ANKRD28: variants seen among roughly 807,000 people sequenced by gnomAD.
ANKRD28 encodes the protein ankyrin repeat domain 28.
A neutral mutation model predicts 126.5 loss-of-function variants in ANKRD28; 44 were observed. The ratio of observed to expected loss-of-function variants is 0.35; its 90% confidence interval spans 0.27 to 0.45. The LOEUF (loss-of-function observed/expected upper bound fraction) is 0.45. Ranked by LOEUF, ANKRD28 falls within the 20% of genes least tolerant of loss-of-function variation. The pLI is 1.00. For synonymous variants in ANKRD28, 442 were observed against 468.5 expected (o/e 0.94, Z 0.73); for missense variants, 1,110 against 1,316.6 (o/e 0.84, Z 2.43).
intron 1 of ANKRD28, among the ~76,000 whole-genome samples, chr3:15,818,331 T>C (rs1438338353): frequency 6.6e-6 from 1 of 152,138 alleles, no homozygotes; most frequent in East Asian, 1.9e-4. Context: ...AAGTGGAAAA[T>C]TCCACAAATA....
chr3:15,805,429 G>C (rs1259071158), intron 1 of ANKRD28, among the ~76,000 whole-genome samples: 6 of 152,040 alleles, frequency 3.9e-5, no homozygotes, highest in African/African-American at 1.2e-4. Context: ...AAATATCCTA[G>C]TCAATCTGAT....
At chr3:15,858,852 A>T (rs1052941478) in intron 1 of ANKRD28, among the ~76,000 whole-genome samples, 2 of 152,232 alleles carry the variant, frequency 1.3e-5, no homozygotes, top group African/African-American at 2.4e-5. Flanking sequence ...CAAGAAAAGT[A>T]ACAAGATGGT....
chr3:15,775,482 G>T (rs145249047), intron 2 of ANKRD28, among the ~76,000 whole-genome samples: 386 of 152,200 alleles, frequency 2.5e-3, no homozygotes, highest in African/African-American at 9.0e-3. Flanking sequence ...TGAGTGCTCA[G>T]TCCCAAAAGA....
rs78802747 is a variant in ANKRD28, at chr3:15,778,865, G to C, written c.202-12553C>G. 4.0e-3 allele frequency among the ~76,000 whole-genome samples: 607 copies of C among 152,226 alleles called. 3 individuals carry two copies. The highest frequency in any genetic ancestry group is 0.018 in the East Asian group (94 of 5,180). On this transcript the variant is annotated intron_variant, in intron 2 of 27. Transcript: ENST00000683139. The stretch of plus-strand genomic sequence containing the variant: ...CTAGGTGGAGGTAAATGAATCATGG[G>C]GGGCAGTTCCCCCATGCTATTCTCA...
chr3:15,782,188 A>G (rs1254161515), intron 2 of ANKRD28, among the ~76,000 whole-genome samples: 1 of 152,140 alleles, frequency 6.6e-6, no homozygotes, highest in African/African-American at 2.4e-5. Flanking sequence ...ATCACCTCCA[A>G]CGAGAATGAC....
chr3:15,797,511 A>G lies in ANKRD28; in HGVS notation c.-990T>C, dbSNP rs1291660732. ...AGAACAAGCAGGCTGTGAAGGAATT[A>G]GAAGGCATTTGAGCTCAAATTACTG... On this transcript the variant is annotated 5_prime_UTR_variant, in exon 1 of 28. Transcript: ENST00000683139. 1 of 985,088 alleles carries G rather than the reference A, an allele frequency of 1.0e-6. No homozygotes were observed. The highest frequency in any genetic ancestry group is 6.2e-5 in the Admixed American group (1 of 16,232). The allele number at this position is 985,088 out of a possible 1,614,324, so 61.0% of individuals were successfully genotyped here. A position where few individuals can be genotyped will look rare whatever the true frequency, so the allele number is the denominator to read the frequency against.
chr3:15,708,103 G>C lies in ANKRD28; in HGVS notation c.1407-39C>G, dbSNP rs180729041. 1.2e-4 allele frequency: 188 copies of C among 1,566,528 alleles called. 1 individual carries two copies. Among genetic ancestry groups the C allele is most frequent in the Non-Finnish European group, 1.6e-4 (180 of 1,153,926 alleles). On this transcript the variant is annotated intron_variant, in intron 13 of 27. Transcript: ENST00000683139. ...GTTAATACAAGAAAGATAAAAGCCA[G>C]AGACATAACTAGTAAACAAAAGCAT... is the stretch of plus-strand genomic sequence containing the variant.
chr3:15,713,844 A>T (rs2072647899), intron 9 of ANKRD28, among the ~76,000 whole-genome samples: 1 of 152,218 alleles, frequency 6.6e-6, no homozygotes, highest in African/African-American at 2.4e-5. Context: ...AATTAAGCAT[A>T]AGATTTTAGT....
chr3:15,743,403 A>G (rs1425791541), intron 4 of ANKRD28, among the ~76,000 whole-genome samples: 1 of 152,250 alleles, frequency 6.6e-6, no homozygotes, highest in African/African-American at 2.4e-5. Context: ...ATTTGCAAAT[A>G]AACACAAAGC....
rs118005050 is a variant in ANKRD28, at chr3:15,700,304, G to A, written c.1548-4059C>T. Among the ~76,000 whole-genome samples the A allele has an allele frequency of 3.0e-3, 464 of 152,224 alleles. 14 individuals are homozygous for A. In the East Asian group the frequency reaches 0.081, roughly 27 times the overall value. On this transcript the variant is annotated intron_variant, in intron 14 of 27. Transcript: ENST00000683139. The stretch of plus-strand genomic sequence containing the variant: ...ATACACCGGGGCCTGTCCGGGGTGG[G>A]GGCCTGGGGGAGGGATAGCATTAGG...
At chr3:15,694,387 C>T (rs527953583) in intron 17 of ANKRD28, among the ~76,000 whole-genome samples, 3 of 152,130 alleles carry the variant, frequency 2.0e-5, no homozygotes, top group Non-Finnish European at 4.4e-5. Context: ...ATACCATCTG[C>T]TTAGCCAACT....
intron 1 of ANKRD28, among the ~76,000 whole-genome samples, chr3:15,844,784 T>C (rs1322714570): frequency 2.0e-5 from 3 of 152,200 alleles, no homozygotes; most frequent in Non-Finnish European, 4.4e-5. Context: ...AATAAAAGAT[T>C]AACTGAATGG....
rs1047358 is a variant in ANKRD28, at chr3:15,797,570, G to T, written c.-1049C>A. On this transcript the variant is annotated 5_prime_UTR_variant, in exon 1 of 28. Coordinates refer to ENST00000683139, the MANE Select transcript of ANKRD28 (RefSeq NM_001349278.2). ...TTTTTGTTTTCTTTAAAAAAAAAAA[G>T]GGGGGGGAAAAACATAGTAGTGTAT... 6 of 976,050 alleles carry T rather than the reference G, an allele frequency of 6.1e-6. No individual in the cohort carries two copies. Among genetic ancestry groups the T allele is most frequent in the Non-Finnish European group, 7.3e-6 (6 of 824,264 alleles). 60.5% of individuals were successfully genotyped at this position (976,050 alleles called of 1,614,324 possible).
chr3:15,701,339 A>T (rs2070574213), intron 14 of ANKRD28, among the ~76,000 whole-genome samples: 1 of 152,154 alleles, frequency 6.6e-6, no homozygotes, highest in South Asian at 2.1e-4. Flanking sequence ...TTTGGAGTCA[A>T]GCATAATAAA....
chr3:15,858,019 T>C (rs1272637306), intron 1 of ANKRD28, among the ~76,000 whole-genome samples: 1 of 152,258 alleles, frequency 6.6e-6, no homozygotes, highest in Non-Finnish European at 1.5e-5. Flanking sequence ...GTTCCTGCTA[T>C]AACTGTGCTT....
Position 15,711,284 on chromosome 3 carries a change from T to G in ANKRD28, c.1274-10A>C. On this transcript the variant is annotated splice_polypyrimidine_tract_variant and intron_variant, in intron 11 of 27. Transcript: ENST00000683139. Reference sequence around the variant, plus strand: ...GTATCTATATCAAATCCTACAAGAATGAATACATCTTATTTATAACAGACA... The same window carrying G: ...GTATCTATATCAAATCCTACAAGAAGGAATACATCTTATTTATAACAGACA... 1 of 1,598,226 alleles carries G rather than the reference T, an allele frequency of 6.3e-7. No homozygotes were observed. Among genetic ancestry groups the G allele is most frequent in the Non-Finnish European group, 8.6e-7 (1 of 1,167,522 alleles).
chr3:15,823,303 G>A (rs890863748), intron 1 of ANKRD28, among the ~76,000 whole-genome samples: 5 of 152,184 alleles, frequency 3.3e-5, no homozygotes, highest in African/African-American at 1.2e-4. Flanking sequence ...CTCCCTTGAA[G>A]GCCGCTCACC....
upstream of ANKRD28, among the ~76,000 whole-genome samples, chr3:15,799,488 T>C (rs2060413677): frequency 6.6e-6 from 1 of 151,996 alleles, no homozygotes; most frequent in Non-Finnish European, 1.5e-5. Context: ...TTAAAATATA[T>C]AAAATACTTT....
intron 9 of ANKRD28, among the ~76,000 whole-genome samples, chr3:15,714,377 T>TA (rs2072721040): frequency 1.3e-5 from 2 of 151,814 alleles, no homozygotes; most frequent in Non-Finnish European, 2.9e-5. Context: ...AAACAAAACA[T>TA]AAAAAACAAA....
Sources: allele counts gnomAD v4.1 joint callset (sites outside exome capture counted in the v4.1 genomes callset), GRCh38; gene constraint gnomAD v4.1.1; transcripts MANE v1.5; gene names NCBI Gene and HGNC (gene_info 2026-07-23, HGNC 2026-07-21).